The following TTN variants were observed in gnomAD, a reference collection of about 807,000 sequenced individuals.
TTN encodes the protein titin, also known as connectin.
A neutral mutation model predicts 3,223.0 loss-of-function variants in TTN; 1,525 were observed. The observed-to-expected ratio is 0.47, with a 90% CI of 0.45 to 0.49. The LOEUF (loss-of-function observed/expected upper bound fraction) is 0.49. Ranked by LOEUF, TTN falls within the 20% of genes least tolerant of loss-of-function variation. The pLI, the probability that TTN is intolerant of heterozygous loss-of-function variation, is 0.00. For synonymous variants in TTN, 14,094 were observed against 15,161.0 expected (o/e 0.93, Z 5.17); for missense variants, 40,786 against 43,424.0 (o/e 0.94, Z 5.40).
rs775683499 is a variant in TTN, at chr2:178,551,776, T to A, written c.91124A>T (p.Asn30375Ile). ...TTCTCTTCCAGAGATTGGTGATGTA[T>A]TAACTTTTTGCCAGAGGATGCTATT... is the stretch of plus-strand genomic sequence containing the variant. ...ERNSILWQKVNTSPISGREYR... is the reference protein window; with the variant it reads ...ERNSILWQKVITSPISGREYR... The change falls in exon 335 of 363, where the codon AAT (asparagine) becomes ATT (isoleucine). Residue 30375 changes from asparagine (N) to isoleucine (I), a missense_variant. Asn to Ile is a moderately radical substitution (Grantham distance 149). Transcript: ENST00000589042. The A allele has an allele frequency of 6.2e-7, 1 of 1,613,856 alleles. No homozygotes were observed. Among genetic ancestry groups the A allele is most frequent in the Non-Finnish European group, 8.5e-7 (1 of 1,179,790 alleles).
rs1052813873 is a variant in TTN at position 178,588,976 on chromosome 2, T to C, written c.62749A>G (p.Thr20917Ala). The C allele has an allele frequency of 1.2e-6, 2 of 1,612,258 alleles. No homozygotes were observed. Among genetic ancestry groups the C allele is most frequent in the South Asian group, 1.1e-5 (1 of 91,034 alleles). Residue 20917 changes from threonine (T) to alanine (A), a missense_variant, in exon 304 of 363, where the codon ACT (threonine) becomes GCT (alanine). By Grantham distance (58) the Thr-to-Ala change is moderately conservative. Coordinates refer to ENST00000589042, the MANE Select transcript of TTN (RefSeq NM_001267550.2). ...KRMVWSTYSA[T>A]VLTPGTTVTR... ...ACTGTAGTACCAGGTGTCAAGACAG[T>C]AGCAGAATAGGTAGACCAAACCATT...
rs142304137 is a variant in TTN at position 178,749,036 on chromosome 2, T to C, written c.11311+4088A>G. On this transcript the variant is annotated intron_variant, in intron 47 of 362. Transcript: ENST00000589042. ...AAATTCGATAATTCTATGCTTCACC[T>C]TTTTCCCCGGGTAGTGTATCTCTTC... is the stretch of plus-strand genomic sequence containing the variant. The C allele has an allele frequency of 5.4e-4, 865 of 1,611,782 alleles. 1 individual carries two copies. Among genetic ancestry groups the C allele is most frequent in the South Asian group, 7.7e-4 (70 of 90,952 alleles).
At position 178,596,965 on chromosome 2, in the gene TTN, C is replaced by G. The variant is rs150272641; in HGVS notation, c.57544+573G>C. Among the ~76,000 whole-genome samples, 428 of 152,178 alleles carry G rather than the reference C, an allele frequency of 2.8e-3. 1 individual carries two copies. The highest frequency in any genetic ancestry group is 5.0e-3 in the Non-Finnish European group (343 of 67,982). ...ATGATGCTTCTCTTCAATTAGAATA[C>G]TGAAACCCTTCAAACAGGTTTTTGC... On this transcript the variant is annotated intron_variant, in intron 294 of 362. Transcript: ENST00000589042.
chr2:178,782,095 A>C, intron 20 of TTN, 117 bp downstream of exon 20: 1 of 1,218,262 alleles, frequency 8.2e-7, no homozygotes, highest in South Asian at 1.3e-5. Flanking sequence ...CAAACTAAGA[A>C]GGCTCCACAA....
chr2:178,770,479 G>C lies in TTN; in HGVS notation c.8313C>G (p.Ile2771Met), dbSNP rs576644663. 1.9e-6 allele frequency: 3 copies of C among 1,613,996 alleles called. No homozygotes were observed. In the East Asian group the frequency reaches 6.7e-5, roughly 36 times the overall value. Residue 2771 changes from isoleucine to methionine, a missense_variant, in exon 35 of 363, where the codon ATC becomes ATG. By Grantham distance (10) the Ile-to-Met change is conservative. Transcript: ENST00000589042. ...TGAAGCCATAAACAGACTCATCCAC[G>C]ATGGCACAGTTTTTAATCCTCAGAG... ...IYSLRIKNCAIVDESVYGFRL... is the reference protein window; with the variant it reads ...IYSLRIKNCAMVDESVYGFRL...
In TTN at chr2:178,548,510, G is replaced by C. The variant is rs1188711854; in HGVS notation, c.93116C>G (p.Ala31039Gly). The change falls in exon 339 of 363, where the codon GCC (alanine) becomes GGC (glycine). Residue 31039 changes from alanine to glycine, a missense_variant. Ala to Gly is a moderately conservative substitution (Grantham distance 60). Coordinates refer to ENST00000589042, the MANE Select transcript of TTN (RefSeq NM_001267550.2). The surrounding 1 kb of genome is among the most constrained non-coding windows in gnomAD (Gnocchi z 4.3). ...TCGGGCACCACCGTCAAGAAGAGGG[G>C]CATCCCACATCAATGTAGCAGATCC... is the stretch of plus-strand genomic sequence containing the variant. ...TRGSATLMWD[A>G]PLLDGGARIH... 1.9e-6 allele frequency: 3 copies of C among 1,613,744 alleles called. No homozygotes were observed. In the African/African-American group the frequency reaches 4.0e-5, roughly 22 times the overall value.
In TTN at chr2:178,580,436, A is replaced by C. The variant is rs746811214; in HGVS notation, c.66943T>G (p.Phe22315Val). The C allele has an allele frequency of 1.1e-5, 18 of 1,613,154 alleles. No homozygotes were observed. The highest frequency in any genetic ancestry group is 8.5e-7 in the Non-Finnish European group (1 of 1,179,504). ...RIGLDIKSTDFDTFLRCENVN... is the reference protein window; with the variant it reads ...RIGLDIKSTDVDTFLRCENVN... ...TTTTCACAGCGCAAGAAAGTGTCAA[A>C]GTCAGTTGACTTTATGTCCAGTCCA... The change falls in exon 317 of 363, where the codon TTT becomes GTT. Residue 22315 changes from phenylalanine to valine, a missense_variant. By Grantham distance (50) the Phe-to-Val change is conservative. Transcript: ENST00000589042.
chr2:178,563,373 CAGA>C lies in TTN; in HGVS notation c.82756_82758del (p.Ser27586del). On this transcript the variant is annotated inframe_deletion, in exon 326 of 363. Transcript: ENST00000589042. This position sits in a 1 kb window ranked among gnomAD's most constrained non-coding sequence, Gnocchi z 4.5. Reference sequence around the variant, plus strand: ...ATTGGCTTACTCCATGCCAGGGAGACAGAAGATCTGGAAGTGTCCGTCACTTTT... The same window carrying C: ...ATTGGCTTACTCCATGCCAGGGAGACAGATCTGGAAGTGTCCGTCACTTTT... The C allele has an allele frequency of 6.2e-7, 1 of 1,613,548 alleles. No homozygotes were observed. The highest frequency in any genetic ancestry group is 8.5e-7 in the Non-Finnish European group (1 of 1,179,700).
chr2:178,622,229 T>A (rs2058404702), intron 243 of TTN, among the ~76,000 whole-genome samples: 1 of 151,942 alleles, frequency 6.6e-6, no homozygotes, highest in South Asian at 2.1e-4. Flanking sequence ...TATCAGTTAT[T>A]AAAAACAATG....
In TTN at chr2:178,650,712, G is replaced by T; in HGVS notation, c.39709+39C>A. The T allele has an allele frequency of 2.6e-6, 4 of 1,511,142 alleles. No homozygotes were observed. In the Admixed American group the frequency reaches 6.3e-5, roughly 24 times the overall value. 93.6% of individuals were successfully genotyped at this position (1,511,142 alleles called of 1,614,324 possible). ...AACAAAGCTTAAATTAGAAATAGTC[G>T]CAAGTGGCAAGGTCATTAATCACCG... is the stretch of plus-strand genomic sequence containing the variant. On this transcript the variant is annotated intron_variant, in intron 209 of 362. Coordinates refer to ENST00000589042, the MANE Select transcript of TTN (RefSeq NM_001267550.2).
chr2:178,583,200 G>A lies in TTN; in HGVS notation c.65603C>T (p.Ala21868Val). 1 of 1,608,118 alleles carries A rather than the reference G, an allele frequency of 6.2e-7. No homozygotes were observed. The highest frequency in any genetic ancestry group is 1.7e-5 in the Admixed American group (1 of 59,782). The change falls in exon 313 of 363, where the codon GCT (alanine) becomes GTT (valine). Residue 21868 changes from alanine to valine, a missense_variant. Transcript: ENST00000589042. ...NVPPRIDLSV[A>V]MKSLLTVKAG... Reference sequence around the variant, plus strand: ...TTTCACAGTAAGCAAAGATTTCATAGCCACACTCAGGTCTATCCTGGGAGG... The same window carrying A: ...TTTCACAGTAAGCAAAGATTTCATAACCACACTCAGGTCTATCCTGGGAGG...
intron 47 of TTN, chr2:178,745,358 A>G: frequency 1.4e-6 from 2 of 1,392,344 alleles, no homozygotes; most frequent in Non-Finnish European, 1.9e-6. Context: ...TTGATATTAC[A>G]CAGCATGATT....
Position 178,530,737 on chromosome 2 carries a change from T to C in TTN, c.105878A>G (p.Lys35293Arg). 6.2e-7 allele frequency: 1 copy of C among 1,613,958 alleles called. No homozygotes were observed. The highest frequency in any genetic ancestry group is 1.1e-5 in the South Asian group (1 of 91,066). Residue 35293 changes from lysine (K) to arginine (R), a missense_variant, in exon 358 of 363, where the codon AAA (lysine) becomes AGA (arginine). By Grantham distance (26) the Lys-to-Arg change is conservative. Coordinates refer to ENST00000589042, the MANE Select transcript of TTN (RefSeq NM_001267550.2). ...SAPPKITQFL[K>R]AEASKEIAKL... ...TGCAATCTCTTTAGAAGCTTCTGCT[T>C]TCAGGAACTGAGTAATCTTTGGTGG... is the stretch of plus-strand genomic sequence containing the variant.
chr2:178,561,174 C>T lies in TTN; in HGVS notation c.84958G>A (p.Asp28320Asn), dbSNP rs767491713. 8 of 1,613,668 alleles carry T rather than the reference C, an allele frequency of 5.0e-6. No homozygotes were observed. Among genetic ancestry groups the T allele is most frequent in the Admixed American group, 1.7e-5 (1 of 60,010 alleles). Reference sequence around the variant, plus strand: ...AAAACCCGGAATTCATAACGCTGATCTTCAGTAAGTTCAGTTACTTCAAAG... The same window carrying T: ...AAAACCCGGAATTCATAACGCTGATTTTCAGTAAGTTCAGTTACTTCAAAG... ...TYFEVTELTEDQRYEFRVFAR... is the reference protein window; with the variant it reads ...TYFEVTELTENQRYEFRVFAR... The change falls in exon 326 of 363, where the codon GAT (aspartate) becomes AAT (asparagine). Residue 28320 changes from aspartate to asparagine, a missense_variant. Transcript: ENST00000589042.
chr2:178,568,308 AAAC>A lies in TTN; in HGVS notation c.77821_77823del (p.Val25941del), dbSNP rs754571796. On this transcript the variant is annotated inframe_deletion, in exon 326 of 363. Transcript: ENST00000589042. ...AGTGTAGTTCTAGCAACAGTAGCAG[AAAC>A]AACATCCCATACTGTGGTGGTTGTA... is the stretch of plus-strand genomic sequence containing the variant. 1.8e-5 allele frequency: 29 copies of A among 1,613,390 alleles called. No individual in the cohort carries two copies. The highest frequency in any genetic ancestry group is 5.0e-5 in the Admixed American group (3 of 59,950).
rs1357442128 is a variant in TTN, at chr2:178,696,158, G to T, written c.30914C>A (p.Ala10305Glu). 6.4e-7 allele frequency: 1 copy of T among 1,555,126 alleles called. No individual in the cohort carries two copies. The highest frequency in any genetic ancestry group is 8.7e-7 in the Non-Finnish European group (1 of 1,148,166). The change falls in exon 114 of 363, where the codon GCA (alanine) becomes GAA (glutamate). Residue 10305 changes from alanine to glutamate, a missense_variant. By Grantham distance (107) the Ala-to-Glu change is moderately radical. Transcript: ENST00000589042. ...EKEAVYEKKQ[A>E]VHKEKRVFIE... is the part of the protein sequence containing the mutation. ...GAAGACTCTCTTCTCCTTGTGGACT[G>T]CTTGCTTTTTCTCATACACAGCTTC...
At chr2:178,799,003 T>C (rs1050057050) in intron 6 of TTN, 6 of 171,148 alleles carry the variant, frequency 3.5e-5, no homozygotes, top group African/African-American at 1.4e-4. Flanking sequence ...AATTTACCTG[T>C]GGACAGTGAG....
rs1313883855 is a variant in TTN, at chr2:178,536,336, T to C, written c.100411A>G (p.Asn33471Asp). ...CTCCATTCACTTTCCCCACCTAGAT[T>C]TTCACATTTCACACGAAACTCGTAT... ...LEYEFRVKCENLGGESEWSEI... is the reference protein window; with the variant it reads ...LEYEFRVKCEDLGGESEWSEI... The change falls in exon 357 of 363, where the codon AAT (asparagine) becomes GAT (aspartate). Residue 33471 changes from asparagine to aspartate, a missense_variant. By Grantham distance (23) the Asn-to-Asp change is conservative (BLOSUM62 1). Transcript: ENST00000589042. 2 of 1,613,764 alleles carry C rather than the reference T, an allele frequency of 1.2e-6. No homozygotes were observed. Among genetic ancestry groups the C allele is most frequent in the Admixed American group, 3.3e-5 (2 of 60,004 alleles).
chr2:178,669,675 G>C lies in TTN; in HGVS notation c.35387C>G (p.Ala11796Gly). 1 of 1,611,434 alleles carries C rather than the reference G, an allele frequency of 6.2e-7. No homozygotes were observed. Among genetic ancestry groups the C allele is most frequent in the Non-Finnish European group, 8.5e-7 (1 of 1,179,064 alleles). The change falls in exon 158 of 363, where the codon GCA becomes GGA. Residue 11796 changes from alanine (A) to glycine (G), a missense_variant and splice_region_variant. By Grantham distance (60) the Ala-to-Gly change is moderately conservative. Transcript: ENST00000589042. Reference sequence around the variant, plus strand: ...GACAATTTTCTTGGGTACTTCGGGTGCTTTAAAGATATTTATTTATCTTAT... The same window carrying C: ...GACAATTTTCTTGGGTACTTCGGGTCCTTTAAAGATATTTATTTATCTTAT... Reference protein sequence around the residue: ...PEEPRVPPTKAPEVPKKIVPE... With the variant: ...PEEPRVPPTKGPEVPKKIVPE...
Sources: gnomAD v4.1 joint callset for allele counts (sites outside exome capture counted in the v4.1 genomes callset) on GRCh38, gnomAD v4.1.1 for gene constraint, Gnocchi (gnomAD v3.1) non-coding constraint, MANE v1.5 for transcripts, NCBI Gene and HGNC (gene_info 2026-07-23, HGNC 2026-07-21) for gene names.